The following PDE8A variants were observed in gnomAD, a reference collection of about 807,000 sequenced individuals.
The protein encoded by PDE8A is high affinity cAMP-specific and IBMX-insensitive 3',5'-cyclic phosphodiesterase 8A.
PDE8A carries 59 observed loss-of-function variants against 105.0 expected under a neutral mutation model. The observed-to-expected ratio is 0.56, with a 90% CI of 0.46 to 0.70. The LOEUF is 0.70. Among genes scored for constraint, PDE8A ranks in the 30% least tolerant of loss-of-function variants. The pLI, the probability that PDE8A is intolerant of heterozygous loss-of-function variation, is 0.00. For missense variants in PDE8A, 1,014 were observed against 1,045.9 expected, an observed-to-expected ratio of 0.97 and a Z score of 0.42; for synonymous variants, 355 against 371.9, an observed-to-expected ratio of 0.95 and a Z score of 0.52.
chr15:85,038,851 G>C (rs2080752934), intron 1 of PDE8A, among the ~76,000 whole-genome samples: 1 of 152,258 alleles, frequency 6.6e-6, no homozygotes, highest in Admixed American at 6.5e-5. Flanking sequence ...GCTGAGGCCG[G>C]TGGCTCACAC....
At chr15:84,985,231 G>T (rs1276474408) in intron 1 of PDE8A, among the ~76,000 whole-genome samples, 2 of 152,190 alleles carry the variant, frequency 1.3e-5, no homozygotes, top group Admixed American at 6.5e-5. Context: ...CTCAACGAAT[G>T]TAATTTGCTT....
At chr15:85,066,054 A>G (rs570847213) in intron 2 of PDE8A, among the ~76,000 whole-genome samples, 1 of 152,290 alleles carries the variant, frequency 6.6e-6, no homozygotes, top group East Asian at 1.9e-4. Flanking sequence ...GAGGAATTAC[A>G]TAAAATCTTG....
chr15:85,076,408 TA>T (rs772331817), intron 4 of PDE8A, among the ~76,000 whole-genome samples: 12 of 148,146 alleles, frequency 8.1e-5, no homozygotes, highest in African/African-American at 1.5e-4. Flanking sequence ...AGAAAGGAAT[TA>T]AAAAAAAAAC....
At chr15:85,030,387 C>G (rs932184733) in intron 1 of PDE8A, among the ~76,000 whole-genome samples, 2 of 152,050 alleles carry the variant, frequency 1.3e-5, no homozygotes, top group African/African-American at 4.8e-5. Flanking sequence ...CACTAGTTTC[C>G]TTTTCCTGTG....
intron 20 of PDE8A, among the ~76,000 whole-genome samples, chr15:85,128,037 T>C (rs2082281005): frequency 7.0e-6 from 1 of 142,006 alleles, no homozygotes; most frequent in Admixed American, 7.0e-5. Flanking sequence ...GTTAGGATAA[T>C]TGGATATTCC....
At chr15:84,990,523 A>G (rs2079871073) in intron 1 of PDE8A, among the ~76,000 whole-genome samples, 1 of 152,184 alleles carries the variant, frequency 6.6e-6, no homozygotes, top group Non-Finnish European at 1.5e-5. Context: ...ACTCAGCATA[A>G]TGTTTTTGAG....
chr15:85,081,034 G>A (rs2081457239), intron 5 of PDE8A, among the ~76,000 whole-genome samples: 1 of 152,172 alleles, frequency 6.6e-6, no homozygotes, highest in South Asian at 2.1e-4. Context: ...ATCTCATCCA[G>A]AGTCTCTTAC....
chr15:85,128,376 G>A (rs1478885223), intron 20 of PDE8A, among the ~76,000 whole-genome samples: 1 of 152,132 alleles, frequency 6.6e-6, no homozygotes. Flanking sequence ...GCCTGTGGTG[G>A]TGGCACGTGC....
rs1224731802 is a variant in PDE8A, at chr15:85,126,210, A to T, written c.2089A>T (p.Thr697Ser). ...TTGAATTCCACTCATGTTTCAGGAA[A>T]CTGATAAAAACCAGGAAGTGATAAA... ...PLATLEENGE[T>S]DKNQEVINTM... Residue 697 changes from threonine to serine, a missense_variant, in exon 20 of 22, where the codon ACT (threonine) becomes TCT (serine). Transcript: ENST00000394553. 1 of 1,603,176 alleles carries T rather than the reference A, an allele frequency of 6.2e-7. No individual in the cohort carries two copies. The highest frequency in any genetic ancestry group is 1.3e-5 in the African/African-American group (1 of 74,392).
chr15:85,032,946 G>A (rs574265394), intron 1 of PDE8A, among the ~76,000 whole-genome samples: 1 of 152,208 alleles, frequency 6.6e-6, no homozygotes, highest in Admixed American at 6.5e-5. Flanking sequence ...TGTTTATGGA[G>A]GAAAAAAGTG....
intron 19 of PDE8A, among the ~76,000 whole-genome samples, chr15:85,123,768 G>T (rs981605151): frequency 2.0e-5 from 3 of 152,136 alleles, no homozygotes; most frequent in African/African-American, 7.2e-5. Context: ...AACCATCACA[G>T]TGGGCTCACT....
intron 8 of PDE8A, among the ~76,000 whole-genome samples, chr15:85,094,536 A>G (rs1247423498): frequency 6.6e-6 from 1 of 152,168 alleles, no homozygotes; most frequent in Non-Finnish European, 1.5e-5. Context: ...TCAGCATCCT[A>G]CTATCATCTT....
chr15:85,040,354 G>A (rs1202972238), intron 1 of PDE8A, among the ~76,000 whole-genome samples: 3 of 131,172 alleles, frequency 2.3e-5, no homozygotes, highest in Admixed American at 8.6e-5. Context: ...ACCATGCCCA[G>A]CCAAGACCTC....
intron 1 of PDE8A, among the ~76,000 whole-genome samples, chr15:85,049,848 A>C (rs1417431496): frequency 6.6e-6 from 1 of 152,202 alleles, no homozygotes. Flanking sequence ...ATATATACCC[A>C]AAAGGGGATT....
rs547425155 is a variant in PDE8A, at chr15:84,992,976, A to G, written c.186+10628A>G. Among the ~76,000 whole-genome samples the G allele has an allele frequency of 1.2e-3, 179 of 152,350 alleles. 2 individuals carry two copies. The highest frequency in any genetic ancestry group is 4.2e-3 in the African/African-American group (173 of 41,586). On this transcript the variant is annotated intron_variant, in intron 1 of 21. Coordinates refer to ENST00000394553, the MANE Select transcript of PDE8A (RefSeq NM_002605.3). ...GTTCAAGTTTGTGGTGACCACTTACAGAAACAGGTTCACTGTAATAGCATA... is the reference window on the plus strand; with the variant it reads ...GTTCAAGTTTGTGGTGACCACTTACGGAAACAGGTTCACTGTAATAGCATA...
intron 1 of PDE8A, among the ~76,000 whole-genome samples, chr15:85,033,691 C>T (rs962473317): frequency 1.3e-5 from 2 of 151,946 alleles, no homozygotes; most frequent in African/African-American, 4.8e-5. Flanking sequence ...ATGGTGAAAC[C>T]CCGTCTCTAC....
chr15:85,034,889 A>G (rs2080677900), intron 1 of PDE8A, among the ~76,000 whole-genome samples: 1 of 152,196 alleles, frequency 6.6e-6, no homozygotes, highest in African/African-American at 2.4e-5. Context: ...TGGGGGTTAA[A>G]TAGATACTAT....
chr15:85,081,430 G>A (rs557915518), intron 5 of PDE8A, among the ~76,000 whole-genome samples: 29 of 152,304 alleles, frequency 1.9e-4, no homozygotes, highest in Admixed American at 1.2e-3. Flanking sequence ...ATGCAGCTGA[G>A]AGTTGAGAAC....
At chr15:85,012,465 G>A (rs866216215) in intron 1 of PDE8A, among the ~76,000 whole-genome samples, 94 of 148,176 alleles carry the variant, frequency 6.3e-4, no homozygotes, top group African/African-American at 1.8e-3. Flanking sequence ...ACCAAACACC[G>A]CATGTTCTCA....
Sources: gnomAD v4.1 joint callset for allele counts (sites outside exome capture counted in the v4.1 genomes callset) on GRCh38, gnomAD v4.1.1 for gene constraint, MANE v1.5 for transcripts, NCBI Gene and HGNC (gene_info 2026-07-23, HGNC 2026-07-21) for gene names.